Variants in KIF11 observed in about 807,000 individuals in gnomAD.
The protein encoded by KIF11 is kinesin-like protein KIF11.
A neutral mutation model predicts 121.0 loss-of-function variants in KIF11; 9 were observed. That is an observed-to-expected ratio of 0.07 (90% confidence interval 0.04 to 0.13). The LOEUF (loss-of-function observed/expected upper bound fraction) is 0.13. Among genes scored for constraint, KIF11 ranks in the 10% least tolerant of loss-of-function variants. KIF11 has a pLI of 1.00. For missense variants in KIF11, 846 were observed against 1,217.5 expected (o/e 0.69, Z 4.54); for synonymous variants, 408 against 421.0 (o/e 0.97, Z 0.38).
intron 9 of KIF11, among the ~76,000 whole-genome samples, chr10:92,617,421 G>T (rs1243162975): frequency 2.0e-5 from 3 of 152,162 alleles, no homozygotes; most frequent in Admixed American, 2.0e-4. Flanking sequence ...TTGCTGAATA[G>T]TATTCAATTA....
At chr10:92,638,497 A>C (rs1844831529) in intron 16 of KIF11, among the ~76,000 whole-genome samples, 1 of 152,182 alleles carries the variant, frequency 6.6e-6, no homozygotes, top group Non-Finnish European at 1.5e-5. Context: ...TGTATATTCT[A>C]AGGCTGATCC....
At chr10:92,594,776 A>G (rs1016666693) in intron 1 of KIF11, among the ~76,000 whole-genome samples, 2 of 152,198 alleles carry the variant, frequency 1.3e-5, no homozygotes, top group African/African-American at 4.8e-5. Flanking sequence ...TGATCCGTAT[A>G]CATTTCAAGT....
chr10:92,629,025 G>A (rs950202698), intron 11 of KIF11, 130 bp downstream of exon 11: 10 of 550,440 alleles, frequency 1.8e-5, no homozygotes, highest in African/African-American at 1.6e-4. Flanking sequence ...CTGTCACCCA[G>A]GCTGGAGTGC....
At chr10:92,598,435 A>T (rs567478370) in intron 1 of KIF11, among the ~76,000 whole-genome samples, 2 of 152,272 alleles carry the variant, frequency 1.3e-5, no homozygotes, top group Admixed American at 1.3e-4. Flanking sequence ...AAGTGCTGTT[A>T]TGTTCCATTG....
intron 17 of KIF11, among the ~76,000 whole-genome samples, chr10:92,643,441 C>G (rs1427089904): frequency 1.3e-5 from 2 of 151,902 alleles, no homozygotes; most frequent in Admixed American, 6.6e-5. Context: ...TTTCCTCTTT[C>G]CCGTTTGTCA....
chr10:92,627,048 C>A (rs898460712), intron 10 of KIF11, among the ~76,000 whole-genome samples: 2 of 152,168 alleles, frequency 1.3e-5, no homozygotes, highest in Non-Finnish European at 2.9e-5. Context: ...AGGCGTGAGC[C>A]ACCGCGCCTG....
At chr10:92,598,438 T>A (rs776669287) in intron 1 of KIF11, among the ~76,000 whole-genome samples, 2 of 152,228 alleles carry the variant, frequency 1.3e-5, no homozygotes, top group Non-Finnish European at 2.9e-5. Context: ...TGCTGTTATG[T>A]TCCATTGGTC....
intron 14 of KIF11, 81 bp from the exon 15 acceptor site, chr10:92,637,103 G>T: frequency 2.1e-5 from 19 of 926,488 alleles, no homozygotes; most frequent in Non-Finnish European, 2.7e-5. Flanking sequence ...AGCTACCAAA[G>T]TATTTAAGAT....
At chr10:92,606,861 T>A in intron 3 of KIF11, 145 bp downstream of exon 3, 1 of 638,360 alleles carries the variant, frequency 1.6e-6, no homozygotes, top group Non-Finnish European at 2.8e-6. Flanking sequence ...CACTGCAGCC[T>A]CTGCCTCCTG....
intron 6 of KIF11, among the ~76,000 whole-genome samples, chr10:92,610,540 T>TG (rs1554859753): frequency 6.6e-6 from 1 of 151,812 alleles, no homozygotes; most frequent in Non-Finnish European, 1.5e-5. Flanking sequence ...AGTGGTTTTT[T>TG]TGTGTGTGTG....
chr10:92,638,610 G>C (rs1165649670), intron 16 of KIF11, among the ~76,000 whole-genome samples: 1 of 152,138 alleles, frequency 6.6e-6, no homozygotes, highest in Non-Finnish European at 1.5e-5. Context: ...TAGCATGAAT[G>C]GTTTGGCTTT....
At chr10:92,618,575 G>A (rs1844584412) in intron 9 of KIF11, among the ~76,000 whole-genome samples, 1 of 149,954 alleles carries the variant, frequency 6.7e-6, no homozygotes, top group Non-Finnish European at 1.5e-5. Flanking sequence ...GAACTCGGGA[G>A]ACAGGTTGCA....
At chr10:92,651,511 T>TTTTC (rs1564719267) in intron 21 of KIF11, among the ~76,000 whole-genome samples, 410 of 39,290 alleles carry the variant, frequency 0.01, 44 homozygotes, top group East Asian at 0.034. Context: ...AATTTTGTTT[T>TTTTC]TTTTTTTTTT....
At chr10:92,615,485 A>C (rs1306478408) in intron 8 of KIF11, among the ~76,000 whole-genome samples, 1 of 152,092 alleles carries the variant, frequency 6.6e-6, no homozygotes, top group Non-Finnish European at 1.5e-5. Context: ...TAATTCACAT[A>C]CCATAAAATT....
chr10:92,607,206 G>A lies in KIF11; in HGVS notation c.356G>A (p.Arg119Lys). 1.2e-6 allele frequency: 2 copies of A among 1,606,992 alleles called. No homozygotes were observed. Among genetic ancestry groups the A allele is most frequent in the Non-Finnish European group, 1.7e-6 (2 of 1,174,232 alleles). Residue 119 changes from arginine to lysine, a missense_variant, in exon 4 of 22, where the codon AGG (arginine) becomes AAG (lysine). Coordinates refer to ENST00000260731, the MANE Select transcript of KIF11 (RefSeq NM_004523.4). ...AAAACTTTTACAATGGAAGGTGAAA[G>A]GTCACCTAATGAAGAGTATACCTGG... ...TGKTFTMEGE[R>K]SPNEEYTWEE... is the part of the protein sequence containing the mutation.
At chr10:92,651,993 TAGAG>T (rs1301155380) in intron 21 of KIF11, among the ~76,000 whole-genome samples, 5 of 138,056 alleles carry the variant, frequency 3.6e-5, no homozygotes, top group African/African-American at 5.4e-5. Context: ...TAAATATATA[TAGAG>T]AGAGGGTCTT....
chr10:92,618,659 A>AAAG (rs1554860540), intron 9 of KIF11, among the ~76,000 whole-genome samples: 35 of 147,632 alleles, frequency 2.4e-4, no homozygotes, highest in African/African-American at 9.0e-4. Context: ...AAAAAAAAAG[A>AAAG]AAAAAAGTAA....
At chr10:92,626,556 G>A (rs1196906245) in intron 10 of KIF11, among the ~76,000 whole-genome samples, 1 of 152,180 alleles carries the variant, frequency 6.6e-6, no homozygotes, top group East Asian at 1.9e-4. Context: ...GTGTCAGTCA[G>A]AGAAGAATCA....
In KIF11 at chr10:92,609,050, C is replaced by A. The variant is rs766343259; in HGVS notation, c.418C>A (p.Leu140Ile). The part of the protein sequence containing the change: ...DPLAGIIPRT[L>I]HQIFEKLTDN... ...CTTGGCTGGTATAATTCCACGTACC[C>A]TTCATCAAATTTTTGAGAAACTTAC... Residue 140 changes from leucine to isoleucine, a missense_variant, in exon 5 of 22, where the codon CTT (leucine) becomes ATT (isoleucine). Around this residue, in one of 5 missense-constraint regions of KIF11, gnomAD observed 140 missense variants for 193.5 expected, o/e 0.72. Transcript: ENST00000260731. 2 of 1,587,780 alleles carry A rather than the reference C, an allele frequency of 1.3e-6. No homozygotes were observed. The highest frequency in any genetic ancestry group is 1.4e-5 in the African/African-American group (1 of 74,000).
Sources: gnomAD v4.1 joint callset for allele counts (sites outside exome capture counted in the v4.1 genomes callset) on GRCh38, gnomAD v4.1.1 for gene constraint, gnomAD v4.1.1 regional missense constraint, MANE v1.5 for transcripts, NCBI Gene and HGNC (gene_info 2026-07-23, HGNC 2026-07-21) for gene names.